Variants in ELAPOR1 observed in about 807,000 individuals in gnomAD.
ELAPOR1 encodes the protein endosome-lysosome associated apoptosis and autophagy regulator 1.
A neutral mutation model predicts 119.7 loss-of-function variants in ELAPOR1; 77 were observed. That is an observed-to-expected ratio of 0.64 (90% CI 0.54 to 0.78). The LOEUF is 0.78. Among genes scored for constraint, ELAPOR1 ranks in the 30% least tolerant of loss-of-function variants. The pLI is 0.00. For synonymous variants in ELAPOR1, 481 were observed against 487.2 expected (o/e 0.99, Z 0.17); for missense variants, 1,115 against 1,270.4 (o/e 0.88, Z 1.86).
intron 15 of ELAPOR1, among the ~76,000 whole-genome samples, chr1:109,196,828 A>G (rs927114962): frequency 2.6e-5 from 4 of 152,116 alleles, no homozygotes; most frequent in South Asian, 2.1e-4. Context: ...GACTACAGGC[A>G]TGCGCCAGCA....
In ELAPOR1 at chr1:109,114,474, G is replaced by C. The variant is rs899533716; in HGVS notation, c.153+138G>C. ...TTTGGGGATGAGGCGTGGGGGGAGG[G>C]AAGAGGAGCCAGTCTGGCGTCATGA... On this transcript the variant is annotated intron_variant, in intron 1 of 21. Transcript: ENST00000369939. 4.8e-5 allele frequency: 49 copies of C among 1,026,456 alleles called. No homozygotes were observed. In the East Asian group the frequency reaches 1.4e-3, roughly 28 times the overall value. The allele number at this position is 1,026,456 out of a possible 1,614,324, so 63.6% of individuals were successfully genotyped here.
Position 109,206,362 on chromosome 1 carries a change from G to A in ELAPOR1, c.*3350G>A, listed in dbSNP as rs1654494716. On this transcript the variant is annotated 3_prime_UTR_variant, in exon 22 of 22. Coordinates refer to ENST00000369939, the MANE Select transcript of ELAPOR1 (RefSeq NM_020775.5). ...CAAAGGCTTTAGTCCTTGACCCAGG[G>A]CTAAAGTGGTCTGTCCAAGCTGTTG... is the stretch of plus-strand genomic sequence containing the variant. 6.6e-6 allele frequency: 1 copy of A among 152,212 alleles called. No individual in the cohort carries two copies. Among genetic ancestry groups the A allele is most frequent in the African/African-American group, 2.4e-5 (1 of 41,440 alleles). The allele number at this position is 152,212 out of a possible 1,614,324, so 9.4% of individuals were successfully genotyped here. A position where few individuals can be genotyped will look rare whatever the true frequency, so the allele number is the denominator to read the frequency against.
chr1:109,187,061 G>T, intron 8 of ELAPOR1: 1 of 985,532 alleles, frequency 1.0e-6, no homozygotes, highest in Admixed American at 6.1e-5. Context: ...GTTCTGCTCA[G>T]TCTGGTGATT....
intron 17 of ELAPOR1, 107 bp downstream of exon 17, chr1:109,198,182 G>A: frequency 1.2e-6 from 1 of 862,208 alleles, no homozygotes; most frequent in Admixed American, 2.0e-5. Flanking sequence ...GCCAGAACAT[G>A]TCTGAGGTCT....
chr1:109,168,709 A>G (rs1160772143), intron 3 of ELAPOR1, among the ~76,000 whole-genome samples: 3 of 152,194 alleles, frequency 2.0e-5, no homozygotes, highest in Admixed American at 6.5e-5. Context: ...AAAAATGAAA[A>G]ACATTATATG....
chr1:109,171,334 G>A (rs562553913), intron 3 of ELAPOR1, among the ~76,000 whole-genome samples: 2 of 152,164 alleles, frequency 1.3e-5, no homozygotes, highest in East Asian at 3.9e-4. Flanking sequence ...GATCACTTGA[G>A]GTCAGGAGTT....
intron 11 of ELAPOR1, 75 bp from the exon 12 acceptor site, chr1:109,191,291 G>A (rs563637820): frequency 3.9e-5 from 38 of 962,436 alleles, no homozygotes; most frequent in South Asian, 2.6e-4. Flanking sequence ...CCCAGCAGAC[G>A]CTCTGCTGTT....
intron 8 of ELAPOR1, 38 bp from the exon 9 acceptor site, chr1:109,188,139 C>T: frequency 6.4e-7 from 1 of 1,565,136 alleles, no homozygotes; most frequent in East Asian, 2.3e-5. Context: ...TGTCCTAAAT[C>T]TCACACAGGC....
At chr1:109,177,269 T>G (rs1652377420) in intron 7 of ELAPOR1, among the ~76,000 whole-genome samples, 11 of 132,674 alleles carry the variant, frequency 8.3e-5, no homozygotes, top group East Asian at 4.6e-4. Context: ...ACGGGGCGGC[T>G]GCCGGGCAGA....
At chr1:109,143,313 C>A (rs929641241) in intron 1 of ELAPOR1, among the ~76,000 whole-genome samples, 1 of 152,102 alleles carries the variant, frequency 6.6e-6, no homozygotes, top group African/African-American at 2.4e-5. Flanking sequence ...ATAGTATGTA[C>A]AACACTTGAA....
intron 5 of ELAPOR1, among the ~76,000 whole-genome samples, chr1:109,173,103 A>G (rs1442179779): frequency 6.9e-6 from 1 of 145,564 alleles, no homozygotes; most frequent in Non-Finnish European, 1.5e-5. Context: ...GTCTCAAAAA[A>G]AAAAAAAAAA....
At position 109,189,276 on chromosome 1, in the gene ELAPOR1, T is replaced by G; in HGVS notation, c.1348+82T>G. On this transcript the variant is annotated intron_variant, in intron 10 of 21. Transcript: ENST00000369939. The stretch of plus-strand genomic sequence containing the variant: ...CCAACTTCACATTTCTTCATAATAG[T>G]GATGTCTGAGAAAAATAAGCTAACC... The G allele has an allele frequency of 2.7e-6, 4 of 1,502,440 alleles. No individual in the cohort carries two copies. In the South Asian group the frequency reaches 4.9e-5, roughly 19 times the overall value. The allele number at this position is 1,502,440 out of a possible 1,614,324, so 93.1% of individuals were successfully genotyped here. A position where few individuals can be genotyped will look rare whatever the true frequency, so the allele number is the denominator to read the frequency against.
At chr1:109,200,943 G>T in intron 21 of ELAPOR1, 43 bp downstream of exon 21, 1 of 1,586,164 alleles carries the variant, frequency 6.3e-7, no homozygotes, top group South Asian at 1.1e-5. Context: ...CTGGAGGGCT[G>T]GAGGAGACAC....
chr1:109,161,419 A>G (rs545305647), intron 1 of ELAPOR1, among the ~76,000 whole-genome samples: 1,858 of 149,506 alleles, frequency 0.012, 16 homozygotes, highest in Non-Finnish European at 0.019. Context: ...CAAAAAAAAA[A>G]AAAAAAAAAA....
rs913085090 is a variant in ELAPOR1 at position 109,203,234 on chromosome 1, G to T, written c.*222G>T. 1.2e-5 allele frequency: 6 copies of T among 521,052 alleles called. No homozygotes were observed. The highest frequency in any genetic ancestry group is 1.7e-5 in the Non-Finnish European group (5 of 292,824). The allele number at this position is 521,052 out of a possible 1,614,324, so 32.3% of individuals were successfully genotyped here. On this transcript the variant is annotated 3_prime_UTR_variant, in exon 22 of 22. Coordinates refer to ENST00000369939, the MANE Select transcript of ELAPOR1 (RefSeq NM_020775.5). ...TACCCACACTTTGTTTGTAAATTAT[G>T]CCCTTGCTTGTATCTTGTTTCCCAA...
At position 109,206,496 on chromosome 1, in the gene ELAPOR1, A is replaced by T. The variant is rs1488675232; in HGVS notation, c.*3484A>T. 1 of 152,242 alleles carries T rather than the reference A, an allele frequency of 6.6e-6. No individual in the cohort carries two copies. Among genetic ancestry groups the T allele is most frequent in the Non-Finnish European group, 1.5e-5 (1 of 68,048 alleles). 9.4% of individuals were successfully genotyped at this position (152,242 alleles called of 1,614,324 possible). On this transcript the variant is annotated 3_prime_UTR_variant, in exon 22 of 22. Transcript: ENST00000369939. ...ACATCATCTGTATTTGGCTGGGAAT[A>T]CAAATGAAGATTGTGGTGTATTCAA...
chr1:109,144,061 A>ATATATATATATATATATATTTTTTTT, intron 1 of ELAPOR1, among the ~76,000 whole-genome samples: 1 of 89,018 alleles, frequency 1.1e-5, no homozygotes, highest in African/African-American at 4.8e-5. Flanking sequence ...ATATTTATAT[A>ATATATATATATATATATATTTTTTTT]TTTTTTTTTT....
intron 1 of ELAPOR1, among the ~76,000 whole-genome samples, chr1:109,131,431 C>T (rs7543240): frequency 0.25 from 37,523 of 151,968 alleles, 5,591 homozygotes; most frequent in African/African-American, 0.41. Flanking sequence ...CACACCATGG[C>T]GTATAATGAA....
At position 109,132,686 on chromosome 1, in the gene ELAPOR1, G is replaced by A. The variant is rs139044189; in HGVS notation, c.153+18350G>A. ...ATAAGCCATGCAAGGGTAGGGATCA[G>A]CACAGGCAAAGGCCCTGAGATGAGT... On this transcript the variant is annotated intron_variant, in intron 1 of 21. Coordinates refer to ENST00000369939, the MANE Select transcript of ELAPOR1 (RefSeq NM_020775.5). 1.4e-4 allele frequency among the ~76,000 whole-genome samples: 21 copies of A among 152,250 alleles called. No individual in the cohort carries two copies. In the East Asian group the frequency reaches 3.5e-3, roughly 25 times the overall value.
Sources: allele counts gnomAD v4.1 joint callset (sites outside exome capture counted in the v4.1 genomes callset), GRCh38; gene constraint gnomAD v4.1.1; transcripts MANE v1.5; gene names NCBI Gene and HGNC (gene_info 2026-07-23, HGNC 2026-07-21).